MGAT4C: variants seen among roughly 807,000 people sequenced by gnomAD.
MGAT4C encodes the protein MGAT4 family member C, also known as alpha-1,3-mannosyl-glycoprotein 4-beta-N-acetylglucosaminyltransferase C.
MGAT4C carries 19 observed loss-of-function variants against 40.1 expected under a neutral mutation model. The observed-to-expected ratio is 0.47, with a 90% confidence interval of 0.33 to 0.70. The LOEUF (loss-of-function observed/expected upper bound fraction) is 0.70, where lower values mean the gene tolerates loss of function less well. Ranked by LOEUF, MGAT4C falls within the 30% of genes least tolerant of loss-of-function variation. The probability of loss-of-function intolerance (pLI) is 0.02; values close to 1 mark genes in which losing one functional copy is unlikely to be tolerated. For missense variants in MGAT4C, 491 were observed against 563.2 expected, an observed-to-expected ratio of 0.87 and a Z score of 1.30; for synonymous variants, 181 against 187.1, an observed-to-expected ratio of 0.97 and a Z score of 0.27.
chr12:86,138,173 G>A (rs1387837728), intron 1 of MGAT4C, among the ~76,000 whole-genome samples: 6 of 151,708 alleles, frequency 4.0e-5, no homozygotes, highest in Admixed American at 2.6e-4. Context: ...CTTGCTTTCC[G>A]CTACCAGCTT....
At chr12:85,991,878 G>A (rs1048127108) in intron 2 of MGAT4C, among the ~76,000 whole-genome samples, 1 of 152,162 alleles carries the variant, frequency 6.6e-6, no homozygotes, top group African/African-American at 2.4e-5. Context: ...GTTTCCAGGT[G>A]AGATTTCATC....
intron 2 of MGAT4C, among the ~76,000 whole-genome samples, chr12:86,699,574 C>A (rs1474789238): frequency 2.0e-5 from 3 of 151,970 alleles, no homozygotes; most frequent in Non-Finnish European, 4.4e-5. Context: ...GGGGTAGGAG[C>A]TGTTAACCCC....
At chr12:86,227,896 C>T (rs1951157275) in intron 1 of MGAT4C, among the ~76,000 whole-genome samples, 1 of 151,836 alleles carries the variant, frequency 6.6e-6, no homozygotes, top group Non-Finnish European at 1.5e-5. Context: ...AAACCAGATT[C>T]TTTCCCCATT....
chr12:86,522,210 G>C lies in MGAT4C; in HGVS notation c.-228-86945C>G, dbSNP rs571652709. On this transcript the variant is annotated intron_variant, in intron 2 of 7. Transcript: ENST00000548651. ...TTCAAGAGGAATGCTTTCAGCTCTT[G>C]TCCATTCATTATGATGTTGGCTGTG... Among the ~76,000 whole-genome samples the C allele has an allele frequency of 3.9e-5, 6 of 152,244 alleles. No homozygotes were observed. In the South Asian group the frequency reaches 1.0e-3, roughly 26 times the overall value.
chr12:86,007,863 T>A (rs1244141133), intron 2 of MGAT4C, among the ~76,000 whole-genome samples: 2 of 152,040 alleles, frequency 1.3e-5, no homozygotes, highest in African/African-American at 2.4e-5. Flanking sequence ...GTTTTTAGGG[T>A]AGGTATAATA....
chr12:86,092,632 T>C (rs1157379062), intron 1 of MGAT4C, among the ~76,000 whole-genome samples: 2 of 152,158 alleles, frequency 1.3e-5, no homozygotes, highest in Non-Finnish European at 2.9e-5. Context: ...CTGTTTTTCA[T>C]TTATTTCTGA....
chr12:86,130,493 C>G (rs910613707), intron 1 of MGAT4C, among the ~76,000 whole-genome samples: 3 of 151,980 alleles, frequency 2.0e-5, no homozygotes, highest in African/African-American at 7.2e-5. Flanking sequence ...TAAGGCAATG[C>G]TTTCCTAACT....
At chr12:86,760,912 C>T (rs1233976018) in intron 1 of MGAT4C, among the ~76,000 whole-genome samples, 2 of 152,110 alleles carry the variant, frequency 1.3e-5, no homozygotes, top group Non-Finnish European at 2.9e-5. Context: ...GTACTGATAA[C>T]ATATCAGTGA....
chr12:86,519,038 C>A (rs1189843509), intron 2 of MGAT4C, among the ~76,000 whole-genome samples: 1 of 152,092 alleles, frequency 6.6e-6, no homozygotes, highest in Non-Finnish European at 1.5e-5. Context: ...AGTCCTAAGT[C>A]TGAATGGAAG....
At chr12:86,331,199 T>A (rs1484246012) in intron 4 of MGAT4C, among the ~76,000 whole-genome samples, 1 of 152,166 alleles carries the variant, frequency 6.6e-6, no homozygotes, top group Non-Finnish European at 1.5e-5. Context: ...AAGCTTGAGC[T>A]TTGACTTGGC....
rs1248918417 is a variant in MGAT4C at position 85,965,894 on chromosome 12, C to T, written c.*13395G>A. ...AAGTGGACAAATTTTTATACTATAT[C>T]CTAATAATGATACAAGGTGACTTGT... is the stretch of plus-strand genomic sequence containing the variant. On this transcript the variant is annotated 3_prime_UTR_variant, in exon 5 of 5. Coordinates refer to ENST00000611864, the MANE Select transcript of MGAT4C (RefSeq NM_001351288.2). 6.6e-6 allele frequency: 1 copy of T among 151,900 alleles called. No individual in the cohort carries two copies. Among genetic ancestry groups the T allele is most frequent in the East Asian group, 1.9e-4 (1 of 5,184 alleles). 9.4% of individuals were successfully genotyped at this position (151,900 alleles called of 1,614,324 possible). A position where few individuals can be genotyped will look rare whatever the true frequency, so the allele number is the denominator to read the frequency against.
At chr12:86,622,581 AC>A (rs1431101063) in intron 2 of MGAT4C, among the ~76,000 whole-genome samples, 1 of 152,190 alleles carries the variant, frequency 6.6e-6, no homozygotes, top group Non-Finnish European at 1.5e-5. Context: ...TTAGCCCATG[AC>A]TAAAAGCTGT....
At chr12:86,365,850 A>G (rs1467424684) in intron 3 of MGAT4C, among the ~76,000 whole-genome samples, 1 of 152,084 alleles carries the variant, frequency 6.6e-6, no homozygotes, top group African/African-American at 2.4e-5. Flanking sequence ...GTTTTTGCTT[A>G]GGATTGCTTT....
intron 2 of MGAT4C, among the ~76,000 whole-genome samples, chr12:86,486,904 T>G (rs1958029402): frequency 6.6e-6 from 1 of 152,204 alleles, no homozygotes; most frequent in Admixed American, 6.5e-5. Flanking sequence ...ATCTGGATTC[T>G]GCAAATTAAT....
intron 2 of MGAT4C, among the ~76,000 whole-genome samples, chr12:86,666,537 C>T (rs555188938): frequency 1.4e-4 from 21 of 152,118 alleles, no homozygotes; most frequent in African/African-American, 5.1e-4. Flanking sequence ...AGAATTATTA[C>T]TTTATTAATC....
intron 2 of MGAT4C, among the ~76,000 whole-genome samples, chr12:86,702,199 C>A (rs912895165): frequency 7.0e-6 from 1 of 143,462 alleles, no homozygotes; most frequent in East Asian, 2.0e-4. Context: ...CACACCCACA[C>A]ACCCAGCTAT....
chr12:86,831,353 T>C (rs1952924206), intron 1 of MGAT4C, among the ~76,000 whole-genome samples: 1 of 151,614 alleles, frequency 6.6e-6, no homozygotes, highest in Non-Finnish European at 1.5e-5. Flanking sequence ...ACAGGGGTGT[T>C]TAATGTTACA....
intron 1 of MGAT4C, among the ~76,000 whole-genome samples, chr12:86,089,516 G>A (rs1317023046): frequency 6.6e-6 from 1 of 151,680 alleles, no homozygotes; most frequent in Non-Finnish European, 1.5e-5. Flanking sequence ...CAATGCTCAG[G>A]AAAACATCTT....
At position 86,342,576 on chromosome 12, in the gene MGAT4C, G is replaced by C. The variant is rs894405595; in HGVS notation, c.-119-8449C>G. On this transcript the variant is annotated intron_variant, in intron 3 of 7. Coordinates refer to the MGAT4C transcript ENST00000548651. ...TCTGTCTCCCACAGGTCCCACATAC[G>C]CTCCATGGCTCATCACCACGCCCGG... is the stretch of plus-strand genomic sequence containing the variant. 6.6e-4 allele frequency among the ~76,000 whole-genome samples: 100 copies of C among 152,046 alleles called. 1 individual carries two copies. The highest frequency in any genetic ancestry group is 2.1e-3 in the African/African-American group (86 of 41,412).
Sources: allele counts gnomAD v4.1 joint callset (sites outside exome capture counted in the v4.1 genomes callset), GRCh38; gene constraint gnomAD v4.1.1; transcripts MANE v1.5; gene names NCBI Gene and HGNC (gene_info 2026-07-23, HGNC 2026-07-21).